Variants in PKHD1L1 observed in about 807,000 individuals in gnomAD.
PKHD1L1 encodes the protein fibrocystin-L.
In PKHD1L1, 434 loss-of-function variants were observed where a neutral mutation model predicts 462.9. The ratio of observed to expected loss-of-function variants is 0.94; its 90% CI spans 0.87 to 1.02. The LOEUF (loss-of-function observed/expected upper bound fraction) is 1.02. Among genes scored for constraint, PKHD1L1 ranks in the 50% least tolerant of loss-of-function variants. The pLI is 0.00. For missense variants in PKHD1L1, 5,202 were observed against 5,096.1 expected (o/e 1.02, Z -0.63); for synonymous variants, 1,781 against 1,750.0 (o/e 1.02, Z -0.44).
At position 109,504,467 on chromosome 8, in the gene PKHD1L1, A is replaced by G. The variant is rs946317841; in HGVS notation, c.10969A>G (p.Ile3657Val). 5.9e-6 allele frequency: 9 copies of G among 1,531,254 alleles called. No homozygotes were observed. Among genetic ancestry groups the G allele is most frequent in the Non-Finnish European group, 7.0e-6 (8 of 1,135,524 alleles). The allele number at this position is 1,531,254 out of a possible 1,614,324, so 94.9% of individuals were successfully genotyped here. Residue 3657 changes from isoleucine to valine, a missense_variant, in exon 68 of 78, where the codon ATA (isoleucine) becomes GTA (valine). Ile to Val is a conservative substitution (Grantham distance 29). This residue lies in a region of PKHD1L1 where 698 missense variants were observed against 736.3 expected (regional missense o/e 0.95). Coordinates refer to ENST00000378402, the MANE Select transcript of PKHD1L1 (RefSeq NM_177531.6). ...KLVDTTEQSKIFIHRPDISKV... is the reference protein window; with the variant it reads ...KLVDTTEQSKVFIHRPDISKV... ...GGTTGATACCACTGAACAATCAAAA[A>G]TATTTATACATAGGCCTGATATAAG...
In PKHD1L1 at chr8:109,508,276, A is replaced by G. The variant is rs528228332; in HGVS notation, c.11395+12A>G. On this transcript the variant is annotated intron_variant, in intron 70 of 77. Transcript: ENST00000378402. ...TGATCTTATTAATGGTAGGTATTCA[A>G]TATGAGTAAACTACAATTACTCAAA... 3.1e-6 allele frequency: 5 copies of G among 1,589,446 alleles called. No individual in the cohort carries two copies. Among genetic ancestry groups the G allele is most frequent in the South Asian group, 1.2e-5 (1 of 86,808 alleles).
At chr8:109,448,865 A>C (rs1376350240) in intron 39 of PKHD1L1, among the ~76,000 whole-genome samples, 1 of 152,144 alleles carries the variant, frequency 6.6e-6, no homozygotes, top group Non-Finnish European at 1.5e-5. Context: ...CTTAAAACTT[A>C]ATCCTACTTA....
chr8:109,500,506 C>T (rs1266441289), intron 67 of PKHD1L1, among the ~76,000 whole-genome samples: 2 of 132,586 alleles, frequency 1.5e-5, no homozygotes, highest in African/African-American at 5.8e-5. Context: ...GAAACCCCGA[C>T]TCTACTAAAA....
At position 109,452,885 on chromosome 8, in the gene PKHD1L1, G is replaced by T; in HGVS notation, c.6664+11G>T. ...TGTTGCTTATTCAGGGTAAATTTCT[G>T]AATATCTGTTCATTGGACTCTGCCT... On this transcript the variant is annotated intron_variant, in intron 43 of 77. Transcript: ENST00000378402. 7.2e-7 allele frequency: 1 copy of T among 1,392,234 alleles called. No individual in the cohort carries two copies. The highest frequency in any genetic ancestry group is 9.4e-7 in the Non-Finnish European group (1 of 1,062,170). 86.2% of individuals were successfully genotyped at this position (1,392,234 alleles called of 1,614,324 possible). A position where few individuals can be genotyped will look rare whatever the true frequency, so the allele number is the denominator to read the frequency against.
At position 109,533,242 on chromosome 8, in the gene PKHD1L1, T is replaced by G. The variant is rs1821079026; in HGVS notation, c.*3152T>G. The stretch of plus-strand genomic sequence containing the variant: ...CCTCAGGCAAGTTCTTAGTTTCCAT[T>G]ATTCTCAGTTTCTTCAACTGTAAAA... On this transcript the variant is annotated 3_prime_UTR_variant, in exon 78 of 78. Coordinates refer to ENST00000378402, the MANE Select transcript of PKHD1L1 (RefSeq NM_177531.6). Among the ~76,000 whole-genome samples, 1 of 152,256 alleles carries G rather than the reference T, an allele frequency of 6.6e-6. No homozygotes were observed. The highest frequency in any genetic ancestry group is 1.5e-5 in the Non-Finnish European group (1 of 68,044).
chr8:109,467,968 A>G (rs1276839170), intron 50 of PKHD1L1, among the ~76,000 whole-genome samples: 1 of 152,164 alleles, frequency 6.6e-6, no homozygotes, highest in African/African-American at 2.4e-5. Context: ...TATAGTGTCA[A>G]TATTTACCAT....
chr8:109,411,112 T>C (rs1419317723), intron 19 of PKHD1L1, among the ~76,000 whole-genome samples: 1 of 152,168 alleles, frequency 6.6e-6, no homozygotes, highest in Non-Finnish European at 1.5e-5. Flanking sequence ...TGGGGCATTA[T>C]ATGTTTTTAT....
intron 9 of PKHD1L1, among the ~76,000 whole-genome samples, chr8:109,394,170 CAAAAAAAAA>C (rs146708536): frequency 7.8e-5 from 5 of 63,708 alleles, no homozygotes; most frequent in African/African-American, 1.2e-4. Context: ...GAGACTCTGT[CAAAAAAAAA>C]AAAAAAAAAA....
At chr8:109,438,766 G>T in intron 31 of PKHD1L1, 131 bp from the exon 32 acceptor site, 1 of 748,148 alleles carries the variant, frequency 1.3e-6, no homozygotes, top group Non-Finnish European at 2.1e-6. Context: ...TTTTCCTTTT[G>T]CCTCTCAAAG....
At chr8:109,374,863 G>T (rs2130368052) in intron 2 of PKHD1L1, among the ~76,000 whole-genome samples, 1 of 152,330 alleles carries the variant, frequency 6.6e-6, no homozygotes, top group South Asian at 2.1e-4. Context: ...TTTCTGCCGA[G>T]AGATCAGCTG....
chr8:109,431,979 G>A (rs768616627), intron 27 of PKHD1L1, among the ~76,000 whole-genome samples: 8 of 152,008 alleles, frequency 5.3e-5, no homozygotes, highest in East Asian at 1.9e-4. Context: ...GGAAGTGATC[G>A]GCTTCCTAAT....
At chr8:109,423,546 T>TG (rs1814583483) in intron 23 of PKHD1L1, among the ~76,000 whole-genome samples, 1 of 152,192 alleles carries the variant, frequency 6.6e-6, no homozygotes, top group Non-Finnish European at 1.5e-5. Flanking sequence ...GACTTAACAT[T>TG]GAGTAGAGTG....
intron 50 of PKHD1L1, chr8:109,471,153 G>A: frequency 7.6e-7 from 1 of 1,315,054 alleles, no homozygotes; most frequent in Non-Finnish European, 1.0e-6. Context: ...TATTCTTCAT[G>A]AAATGTGTTT....
chr8:109,460,172 A>G (rs1375714392), intron 47 of PKHD1L1, among the ~76,000 whole-genome samples: 1 of 152,100 alleles, frequency 6.6e-6, no homozygotes. Context: ...TTATGTTTAG[A>G]TTAGACCTTG....
intron 38 of PKHD1L1, 82 bp from the exon 39 acceptor site, chr8:109,448,061 T>G: frequency 3.2e-6 from 4 of 1,245,098 alleles, no homozygotes; most frequent in Non-Finnish European, 3.3e-6. Flanking sequence ...CTTTTATTTG[T>G]AAAAGTAAAG....
At chr8:109,441,717 A>G (rs184803163) in intron 34 of PKHD1L1, among the ~76,000 whole-genome samples, 2 of 152,214 alleles carry the variant, frequency 1.3e-5, no homozygotes, top group East Asian at 1.9e-4. Flanking sequence ...AAAATATTCT[A>G]TGTAAGATTT....
At chr8:109,476,325 G>A (rs953932285) in intron 51 of PKHD1L1, among the ~76,000 whole-genome samples, 183 bp from the exon 52 acceptor site, 1 of 151,872 alleles carries the variant, frequency 6.6e-6, no homozygotes, top group Non-Finnish European at 1.5e-5. Flanking sequence ...GACAGAACTA[G>A]CATTATTGTC....
At chr8:109,478,295 C>A (rs759830935) in intron 53 of PKHD1L1, among the ~76,000 whole-genome samples, 1 of 152,132 alleles carries the variant, frequency 6.6e-6, no homozygotes, top group Non-Finnish European at 1.5e-5. Context: ...ATGTGCCAGG[C>A]ATTTTGGATT....
At chr8:109,480,514 T>TAA in intron 55 of PKHD1L1, 5 of 387,836 alleles carry the variant, frequency 1.3e-5, no homozygotes, top group South Asian at 5.9e-5. Context: ...AAACAGTATT[T>TAA]AAAAAAAAAA....
Sources: gnomAD v4.1 joint callset for allele counts (sites outside exome capture counted in the v4.1 genomes callset) on GRCh38, gnomAD v4.1.1 for gene constraint, gnomAD v4.1.1 regional missense constraint, MANE v1.5 for transcripts, NCBI Gene and HGNC (gene_info 2026-07-23, HGNC 2026-07-21) for gene names.